Variants in SLC14A2 observed in about 807,000 individuals in gnomAD.
SLC14A2 encodes solute carrier family 14 member 2.
Under a neutral mutation model 104.6 loss-of-function variants are expected in SLC14A2, and 91 were observed. The observed-to-expected ratio is 0.87, with a 90% CI of 0.73 to 1.04. SLC14A2 has a LOEUF of 1.04. Ranked by LOEUF, SLC14A2 falls within the 50% of genes least tolerant of loss-of-function variation. The pLI is 0.00. For missense variants in SLC14A2, 1,189 were observed against 1,156.0 expected (o/e 1.03, Z -0.41); for synonymous variants, 476 against 466.4 (o/e 1.02, Z -0.27).
At chr18:45,537,726 T>C (rs1054112313) in intron 2 of SLC14A2, among the ~76,000 whole-genome samples, 2 of 152,184 alleles carry the variant, frequency 1.3e-5, no homozygotes, top group East Asian at 3.9e-4. Context: ...CATTGGCCAC[T>C]GAAGGAAGCA....
At chr18:45,503,840 T>TGTTCTCATGATGCTTCCCTC (rs376168648) in intron 2 of SLC14A2, among the ~76,000 whole-genome samples, 1 of 151,720 alleles carries the variant, frequency 6.6e-6, no homozygotes, top group Admixed American at 6.6e-5. Flanking sequence ...TTATCAAAGA[T>TGTTCTCATGATGCTTCCCTC]ACCACTGGAA....
At chr18:45,500,582 A>AT (rs957995870) in intron 2 of SLC14A2, among the ~76,000 whole-genome samples, 1 of 139,460 alleles carries the variant, frequency 7.2e-6, no homozygotes, top group Admixed American at 7.3e-5. Context: ...GTCTCAAAAA[A>AT]AAAAAAAAAA....
At chr18:45,634,366 C>T (rs2045387132) in intron 5 of SLC14A2, among the ~76,000 whole-genome samples, 1 of 152,194 alleles carries the variant, frequency 6.6e-6, no homozygotes, top group African/African-American at 2.4e-5. Context: ...GAAATAAACT[C>T]ATAAACTAGT....
chr18:45,427,889 GGGCTT>G (rs2086457694), intron 1 of SLC14A2, among the ~76,000 whole-genome samples: 1 of 152,156 alleles, frequency 6.6e-6, no homozygotes, highest in African/African-American at 2.4e-5. Context: ...AGATCTCTCA[GGGCTT>G]CGCTCTCCTC....
At chr18:45,633,193 C>T (rs2045371928) in intron 5 of SLC14A2, among the ~76,000 whole-genome samples, 1 of 152,094 alleles carries the variant, frequency 6.6e-6, no homozygotes, top group Non-Finnish European at 1.5e-5. Flanking sequence ...AGTCACTTGC[C>T]CCAAGTTGTA....
intron 2 of SLC14A2, among the ~76,000 whole-genome samples, chr18:45,545,187 G>A (rs1268688953): frequency 6.6e-6 from 1 of 152,188 alleles, no homozygotes; most frequent in East Asian, 1.9e-4. Context: ...CTTTGTTTGT[G>A]TAGCATAGCA....
In SLC14A2 at chr18:45,669,331, A is replaced by G; in HGVS notation, c.2062A>G (p.Thr688Ala). Residue 688 changes from threonine to alanine, a missense_variant, in exon 16 of 20, where the codon ACC becomes GCC. Thr to Ala is a moderately conservative substitution (Grantham distance 58, BLOSUM62 0). Coordinates refer to ENST00000255226, the MANE Select transcript of SLC14A2 (RefSeq NM_007163.4). ...SCPILSSALG[T>A]IFSKWDLPVF... ...CCCCATCCTCTCCAGTGCCCTGGGT[A>G]CCATCTTCAGCAAGTGGGACCTCCC... 6.2e-7 allele frequency: 1 copy of G among 1,613,722 alleles called. No homozygotes were observed. Among genetic ancestry groups the G allele is most frequent in the Non-Finnish European group, 8.5e-7 (1 of 1,179,740 alleles).
intron 4 of SLC14A2, among the ~76,000 whole-genome samples, chr18:45,628,398 C>T (rs1009501470): frequency 2.0e-5 from 3 of 149,964 alleles, no homozygotes; most frequent in African/African-American, 4.9e-5. Flanking sequence ...TAGCCGAGAT[C>T]GCACCACTAC....
At chr18:45,671,672 C>T (rs1309087218) in intron 16 of SLC14A2, among the ~76,000 whole-genome samples, 1 of 152,324 alleles carries the variant, frequency 6.6e-6, no homozygotes, top group East Asian at 1.9e-4. Flanking sequence ...AAGCCCAAAG[C>T]CTAACCCACT....
intron 10 of SLC14A2, among the ~76,000 whole-genome samples, chr18:45,645,481 G>A (rs1462501545): frequency 2.0e-5 from 3 of 151,952 alleles, no homozygotes; most frequent in Non-Finnish European, 4.4e-5. Flanking sequence ...TTGCTTGTGA[G>A]CATGGGAGGC....
chr18:45,322,520 T>C (rs1288743921), intron 1 of SLC14A2, among the ~76,000 whole-genome samples: 2 of 152,230 alleles, frequency 1.3e-5, no homozygotes, highest in African/African-American at 4.8e-5. Context: ...ACACAATCGA[T>C]TTGATAAATG....
upstream of SLC14A2, among the ~76,000 whole-genome samples, chr18:45,209,181 A>C (rs1402785413): frequency 2.7e-5 from 2 of 73,092 alleles, no homozygotes; most frequent in African/African-American, 1.7e-4. Context: ...TTAAAAATAC[A>C]AAAAAAAAAA....
chr18:45,466,893 C>G (rs940456765), intron 1 of SLC14A2, among the ~76,000 whole-genome samples: 2 of 152,104 alleles, frequency 1.3e-5, no homozygotes, highest in Non-Finnish European at 2.9e-5. Context: ...CCCACCTAGA[C>G]AGATGGGCAC....
intron 19 of SLC14A2, among the ~76,000 whole-genome samples, chr18:45,681,913 A>G (rs577789313): frequency 6.6e-6 from 1 of 152,342 alleles, no homozygotes; most frequent in East Asian, 1.9e-4. Context: ...AAACATCTTG[A>G]GCTACCAAAT....
chr18:45,308,475 C>A (rs2085046043), intron 1 of SLC14A2, among the ~76,000 whole-genome samples: 1 of 152,154 alleles, frequency 6.6e-6, no homozygotes, highest in South Asian at 2.1e-4. Flanking sequence ...ATTTTAAAGA[C>A]CTCGCCTGAA....
At chr18:45,601,578 T>C (rs1323813087) in intron 2 of SLC14A2, among the ~76,000 whole-genome samples, 2 of 152,258 alleles carry the variant, frequency 1.3e-5, no homozygotes, top group South Asian at 2.1e-4. Context: ...TTAATTCCAA[T>C]GGGGTTTTTC....
At chr18:45,324,147 A>G (rs569301222) in intron 1 of SLC14A2, among the ~76,000 whole-genome samples, 2 of 152,260 alleles carry the variant, frequency 1.3e-5, no homozygotes, top group South Asian at 4.1e-4. Context: ...ATTACTAGAA[A>G]CATAATAGCT....
intron 1 of SLC14A2, among the ~76,000 whole-genome samples, chr18:45,455,786 A>G (rs1470804451): frequency 2.0e-5 from 3 of 152,172 alleles, no homozygotes; most frequent in African/African-American, 7.2e-5. Flanking sequence ...GAGGGCAGCA[A>G]TCCTATAAAC....
At chr18:45,489,758 G>C (rs1382515365) in intron 2 of SLC14A2, 1 of 152,158 alleles carries the variant, frequency 6.6e-6, no homozygotes, top group Non-Finnish European at 1.5e-5. Flanking sequence ...TGACAGAAAG[G>C]AGTGTCACAA....
Sources: gnomAD v4.1 joint callset for allele counts (sites outside exome capture counted in the v4.1 genomes callset) on GRCh38, gnomAD v4.1.1 for gene constraint, MANE v1.5 for transcripts, NCBI Gene and HGNC (gene_info 2026-07-23, HGNC 2026-07-21) for gene names.